Variants in BID observed in about 807,000 individuals in gnomAD.
BID encodes BH3 interacting domain death agonist.
In BID, 19 loss-of-function variants were observed where a neutral mutation model predicts 17.4. The ratio of observed to expected loss-of-function variants is 1.09; its 90% confidence interval spans 0.76 to 1.60. The LOEUF (loss-of-function observed/expected upper bound fraction) is 1.60. Among genes scored for constraint, BID ranks in the 40% most tolerant of loss-of-function variants. The pLI, the probability that BID is intolerant of heterozygous loss-of-function variation, is 0.00. For missense variants in BID, 226 were observed against 256.0 expected, an observed-to-expected ratio of 0.88 and a Z score of 0.80; for synonymous variants, 108 against 102.8, an observed-to-expected ratio of 1.05 and a Z score of -0.31.
intron 1 of BID, among the ~76,000 whole-genome samples, chr22:17,751,034 GA>G (rs745435533): frequency 5.9e-4 from 84 of 142,144 alleles, no homozygotes; most frequent in African/African-American, 7.2e-4. Flanking sequence ...ACCCTGTCTC[GA>G]AAAAAAAAAA....
chr22:17,740,045 C>T, intron 3 of BID: 1 of 1,598,910 alleles, frequency 6.3e-7, no homozygotes, highest in Non-Finnish European at 8.5e-7. Flanking sequence ...TCCTCCTCCT[C>T]TGGCGCACAG....
chr22:17,735,686 T>G, intron 5 of BID, 95 bp from the exon 6 acceptor site: 4 of 1,517,282 alleles, frequency 2.6e-6, no homozygotes. Flanking sequence ...AGCTGGGGTT[T>G]ATGCAAAAAC....
At chr22:17,740,227 TC>T in intron 3 of BID, 2 of 1,537,084 alleles carry the variant, frequency 1.3e-6, no homozygotes, top group Non-Finnish European at 1.8e-6. Flanking sequence ...ATCTGTTTTG[TC>T]CACTGACAAA....
chr22:17,740,458 C>T (rs539003686), intron 3 of BID: 3 of 341,068 alleles, frequency 8.8e-6, no homozygotes, highest in African/African-American at 4.4e-5. Context: ...GAGACGGAGT[C>T]TTGCTCTGTC....
chr22:17,737,847 C>T (rs1193797597), intron 5 of BID, among the ~76,000 whole-genome samples, 170 bp downstream of exon 5: 1 of 152,200 alleles, frequency 6.6e-6, no homozygotes, highest in Non-Finnish European at 1.5e-5. Flanking sequence ...TGCTCTTCGT[C>T]ACCTTTACAC....
At position 17,739,757 on chromosome 22, in the gene BID, A is replaced by G. The variant is rs558931050; in HGVS notation, c.224-269T>C. 1.3e-4 allele frequency: 76 copies of G among 578,150 alleles called. 1 individual carries two copies. In the East Asian group the frequency reaches 1.8e-3, roughly 14 times the overall value. 35.8% of individuals were successfully genotyped at this position (578,150 alleles called of 1,614,324 possible). A position where few individuals can be genotyped will look rare whatever the true frequency, so the allele number is the denominator to read the frequency against. ...CACGTCCCCACAGGCAGGGCCGGTGAAGCTGGGGCATCACGACCACGCCTG... is the reference window on the plus strand; with the variant it reads ...CACGTCCCCACAGGCAGGGCCGGTGGAGCTGGGGCATCACGACCACGCCTG... On this transcript the variant is annotated intron_variant, in intron 3 of 5. Transcript: ENST00000622694.
chr22:17,757,502 A>C (rs1208015665), intron 1 of BID, among the ~76,000 whole-genome samples: 1 of 151,050 alleles, frequency 6.6e-6, no homozygotes, highest in Non-Finnish European at 1.5e-5. Flanking sequence ...AGGTCAGGAG[A>C]TCCAGACCAT....
At chr22:17,757,576 G>A (rs1016948570) in intron 1 of BID, among the ~76,000 whole-genome samples, 9 of 151,834 alleles carry the variant, frequency 5.9e-5, no homozygotes, top group African/African-American at 2.2e-4. Flanking sequence ...GGGCGTGGTG[G>A]CGGGCGCCTG....
chr22:17,759,374 C>T (rs2061619837), intron 1 of BID, among the ~76,000 whole-genome samples: 1 of 151,542 alleles, frequency 6.6e-6, no homozygotes, highest in South Asian at 2.1e-4. Flanking sequence ...GCCTGGCCAA[C>T]ATGGAGAAAA....
chr22:17,735,451 C>T lies in BID; in HGVS notation c.*129G>A. 2.0e-6 allele frequency: 2 copies of T among 1,021,082 alleles called. No homozygotes were observed. The highest frequency in any genetic ancestry group is 1.5e-6 in the Non-Finnish European group (1 of 672,968). The allele number at this position is 1,021,082 out of a possible 1,614,324, so 63.3% of individuals were successfully genotyped here. A position where few individuals can be genotyped will look rare whatever the true frequency, so the allele number is the denominator to read the frequency against. On this transcript the variant is annotated 3_prime_UTR_variant, in exon 6 of 6. Coordinates refer to ENST00000622694, the MANE Select transcript of BID (RefSeq NM_001196.4). Reference sequence around the variant, plus strand: ...TTAACATTGTCTTTAAAATAGAAGTCACAGCTATCTTCCAGCCTGTCTTCT... The same window carrying T: ...TTAACATTGTCTTTAAAATAGAAGTTACAGCTATCTTCCAGCCTGTCTTCT...
intron 1 of BID, among the ~76,000 whole-genome samples, chr22:17,750,567 G>T (rs1474655056): frequency 6.6e-6 from 1 of 152,244 alleles, no homozygotes; most frequent in Non-Finnish European, 1.5e-5. Flanking sequence ...AGTAGCTCAT[G>T]CCTGTAATCC....
chr22:17,750,043 G>A, intron 2 of BID, 62 bp downstream of exon 2: 2 of 1,512,450 alleles, frequency 1.3e-6, no homozygotes, highest in Non-Finnish European at 1.8e-6. Flanking sequence ...TGGGGGACAC[G>A]CAGGCCCTTA....
rs766801403 is a variant in BID, at chr22:17,773,629, T to C, written c.-59+752A>G. On this transcript the variant is annotated intron_variant, in intron 1 of 5. Coordinates refer to ENST00000622694, the MANE Select transcript of BID (RefSeq NM_001196.4). The surrounding 1 kb of genome is among the most constrained non-coding windows in gnomAD (Gnocchi z 4.4). ...ACTTACAGAATCCGCACTGTGCTCC[T>C]CCAGCCGGCCCGGCCCCTCGCTGCC... 12 of 1,612,278 alleles carry C rather than the reference T, an allele frequency of 7.4e-6. No individual in the cohort carries two copies. The highest frequency in any genetic ancestry group is 2.2e-5 in the East Asian group (1 of 44,874).
At chr22:17,766,143 C>G (rs966093543) in intron 1 of BID, among the ~76,000 whole-genome samples, 1 of 151,908 alleles carries the variant, frequency 6.6e-6, no homozygotes, top group African/African-American at 2.4e-5. Context: ...AGGCTGGTAT[C>G]GAGCTCCTGG....
intron 4 of BID, among the ~76,000 whole-genome samples, chr22:17,738,779 G>C (rs1161852976): frequency 6.6e-6 from 1 of 152,208 alleles, no homozygotes; most frequent in African/African-American, 2.4e-5. Flanking sequence ...GAGGACGCCT[G>C]CATTTTCAGC....
intron 1 of BID, among the ~76,000 whole-genome samples, chr22:17,758,939 AAG>A (rs2061613707): frequency 6.6e-6 from 1 of 152,198 alleles, no homozygotes; most frequent in African/African-American, 2.4e-5. Flanking sequence ...ACACTTAAAA[AAG>A]AGCCAGGTGG....
In BID at chr22:17,743,392, C is replaced by T. The variant is rs533533602; in HGVS notation, c.223+411G>A. 2.6e-5 allele frequency among the ~76,000 whole-genome samples: 4 copies of T among 152,348 alleles called. No individual in the cohort carries two copies. In the East Asian group the frequency reaches 7.7e-4, roughly 29 times the overall value. ...GAGATGCAGGCACCAGCATTTAAAG[C>T]TCCAGGTCCTTGAAATGATACAAGG... On this transcript the variant is annotated intron_variant, in intron 3 of 5. Coordinates refer to ENST00000622694, the MANE Select transcript of BID (RefSeq NM_001196.4).
intron 5 of BID, among the ~76,000 whole-genome samples, chr22:17,736,214 A>C (rs1453626741): frequency 6.6e-6 from 1 of 152,148 alleles, no homozygotes; most frequent in Non-Finnish European, 1.5e-5. Context: ...TAATCCCAGC[A>C]CTTTGGGAGG....
intron 1 of BID, among the ~76,000 whole-genome samples, chr22:17,765,291 C>T (rs1374941554): frequency 1.3e-5 from 2 of 152,164 alleles, no homozygotes; most frequent in Non-Finnish European, 2.9e-5. Flanking sequence ...CCCCATTTGA[C>T]AGATGGGGAA....
Sources: allele counts gnomAD v4.1 joint callset (sites outside exome capture counted in the v4.1 genomes callset), GRCh38; gene constraint gnomAD v4.1.1; non-coding constraint Gnocchi (gnomAD v3.1); transcripts MANE v1.5; gene names NCBI Gene and HGNC (gene_info 2026-07-23, HGNC 2026-07-21).